HDAC9: variants seen among roughly 807,000 people sequenced by gnomAD.
HDAC9 encodes the protein MEF-2 interacting transcription repressor (MITR) protein.
HDAC9 carries 41 observed loss-of-function variants against 139.4 expected under a neutral mutation model. The ratio of observed to expected loss-of-function variants is 0.29; its 90% CI spans 0.23 to 0.38. HDAC9 has a LOEUF of 0.38. Ranked by LOEUF, HDAC9 falls within the 10% of genes least tolerant of loss-of-function variation. HDAC9 has a pLI of 1.00. For missense variants in HDAC9, 1,147 were observed against 1,297.0 expected (o/e 0.88, Z 1.78); for synonymous variants, 517 against 476.2 (o/e 1.09, Z -1.12).
intron 1 of HDAC9, among the ~76,000 whole-genome samples, chr7:18,124,212 C>T (rs989469509): frequency 2.0e-5 from 3 of 152,172 alleles, no homozygotes; most frequent in African/African-American, 7.2e-5. Context: ...ATTTGGAGAT[C>T]TGTAGACAAA....
intron 11 of HDAC9, among the ~76,000 whole-genome samples, chr7:18,652,430 A>G (rs1789581043): frequency 6.6e-6 from 1 of 152,150 alleles, no homozygotes; most frequent in Admixed American, 6.6e-5. Flanking sequence ...TTAAAACAGA[A>G]TACGTAACAG....
chr7:18,784,467 A>G (rs1236084024), intron 16 of HDAC9, among the ~76,000 whole-genome samples: 4 of 151,872 alleles, frequency 2.6e-5, no homozygotes, highest in East Asian at 1.9e-4. Context: ...GGTTGCTACT[A>G]TTGCTCTCAG....
intron 1 of HDAC9, among the ~76,000 whole-genome samples, chr7:18,420,589 A>G (rs1789527752): frequency 6.6e-6 from 1 of 152,182 alleles, no homozygotes; most frequent in Non-Finnish European, 1.5e-5. Flanking sequence ...GAAAGCATAC[A>G]TTCATTTACT....
chr7:18,176,884 A>AT (rs896484554), intron 2 of HDAC9, among the ~76,000 whole-genome samples: 3 of 152,226 alleles, frequency 2.0e-5, no homozygotes, highest in Admixed American at 2.0e-4. Flanking sequence ...AAATTGAAAG[A>AT]TTTTAACAGG....
intron 1 of HDAC9, among the ~76,000 whole-genome samples, chr7:18,448,328 T>C (rs754292705): frequency 4.6e-5 from 7 of 152,232 alleles, no homozygotes; most frequent in Non-Finnish European, 5.9e-5. Flanking sequence ...AATTTTAGTT[T>C]AATCCTTAAG....
intron 22 of HDAC9, among the ~76,000 whole-genome samples, chr7:18,909,945 A>C (rs148487175): frequency 7.3e-5 from 11 of 151,554 alleles, no homozygotes; most frequent in Admixed American, 1.3e-4. Context: ...CTCTTTGGCT[A>C]TTTGGGGTCT....
intron 23 of HDAC9, among the ~76,000 whole-genome samples, chr7:18,948,547 C>G (rs1782565079): frequency 1.3e-5 from 2 of 152,058 alleles, no homozygotes. Context: ...GAATTTTGTA[C>G]AATGTTTGAA....
intron 2 of HDAC9, among the ~76,000 whole-genome samples, chr7:18,167,398 GA>G (rs35351350): frequency 0.013 from 1,948 of 152,138 alleles, 41 homozygotes; most frequent in African/African-American, 0.044. Flanking sequence ...AATTTGTTTT[GA>G]ACATTTATTT....
chr7:18,370,882 A>C (rs1784545334), intron 1 of HDAC9, among the ~76,000 whole-genome samples: 1 of 152,168 alleles, frequency 6.6e-6, no homozygotes, highest in African/African-American at 2.4e-5. Context: ...AGGGGCGTAG[A>C]GGAAAATGGC....
chr7:18,344,653 C>A (rs1278751316), intron 1 of HDAC9, among the ~76,000 whole-genome samples: 2 of 151,840 alleles, frequency 1.3e-5, no homozygotes, highest in Admixed American at 1.3e-4. Context: ...ATATTTTCAG[C>A]CTTTGTTTTG....
In HDAC9 at chr7:18,368,235, G is replaced by A. The variant is rs543577986; in HGVS notation, c.-42+77720G>A. ...TCTTGTTTGAAATTTCCTATGAAAGGTCATAAAGATATCCTCCCATATTTT... is the reference window on the plus strand; with the variant it reads ...TCTTGTTTGAAATTTCCTATGAAAGATCATAAAGATATCCTCCCATATTTT... On this transcript the variant is annotated intron_variant, in intron 1 of 3. Transcript: ENST00000413509. Among the ~76,000 whole-genome samples the A allele has an allele frequency of 1.3e-4, 20 of 151,974 alleles. No homozygotes were observed. In the South Asian group the frequency reaches 3.9e-3, roughly 30 times the overall value.
intron 2 of HDAC9, among the ~76,000 whole-genome samples, chr7:18,168,067 T>C (rs987449124): frequency 6.6e-6 from 1 of 152,204 alleles, no homozygotes; most frequent in African/African-American, 2.4e-5. Flanking sequence ...GCAGAATAGA[T>C]AATGCCCAGT....
intron 2 of HDAC9, among the ~76,000 whole-genome samples, chr7:18,234,258 T>C (rs1793667971): frequency 6.6e-6 from 1 of 152,170 alleles, no homozygotes; most frequent in African/African-American, 2.4e-5. Context: ...TCAAGGGTCT[T>C]AGGTGTAGTT....
At chr7:18,134,166 C>G (rs1785232494) in intron 1 of HDAC9, among the ~76,000 whole-genome samples, 1 of 152,084 alleles carries the variant, frequency 6.6e-6, no homozygotes, top group Admixed American at 6.6e-5. Context: ...AGCGTTCATA[C>G]TGTGGGACTG....
intron 1 of HDAC9, among the ~76,000 whole-genome samples, chr7:18,158,733 T>A (rs944020940): frequency 2.0e-5 from 3 of 152,218 alleles, no homozygotes; most frequent in Non-Finnish European, 4.4e-5. Flanking sequence ...GCTATTACTA[T>A]TGAGAAGGCC....
At chr7:18,989,857 G>T (rs921407810) in intron 25 of HDAC9, among the ~76,000 whole-genome samples, 3 of 148,042 alleles carry the variant, frequency 2.0e-5, no homozygotes, top group Non-Finnish European at 3.0e-5. Flanking sequence ...GGCTCCTGAG[G>T]CTTCTGCATT....
chr7:18,504,317 G>GT (rs1432248041), intron 2 of HDAC9, among the ~76,000 whole-genome samples: 4 of 152,066 alleles, frequency 2.6e-5, no homozygotes, highest in Middle Eastern at 3.4e-3. Flanking sequence ...GTTTTGTTCT[G>GT]TTTTTTGAGA....
At chr7:18,908,077 A>T (rs1802422753) in intron 22 of HDAC9, among the ~76,000 whole-genome samples, 1 of 152,118 alleles carries the variant, frequency 6.6e-6, no homozygotes, top group South Asian at 2.1e-4. Flanking sequence ...TAAATGTCAC[A>T]TGGAATAGTT....
At chr7:18,364,515 G>A (rs1426554987) in intron 1 of HDAC9, among the ~76,000 whole-genome samples, 1 of 152,040 alleles carries the variant, frequency 6.6e-6, no homozygotes, top group African/African-American at 2.4e-5. Context: ...AGAAGAGACA[G>A]TCATTCGAAA....
Sources: gnomAD v4.1 joint callset for allele counts (sites outside exome capture counted in the v4.1 genomes callset) on GRCh38, gnomAD v4.1.1 for gene constraint, MANE v1.5 for transcripts, NCBI Gene and HGNC (gene_info 2026-07-23, HGNC 2026-07-21) for gene names.